Variants in LEPR observed in about 807,000 individuals in gnomAD.
The protein encoded by LEPR is leptin receptor.
LEPR carries 56 observed loss-of-function variants against 114.7 expected under a neutral mutation model. The observed-to-expected ratio is 0.49, with a 90% CI of 0.39 to 0.61. The LOEUF (loss-of-function observed/expected upper bound fraction) is 0.61, where lower values mean the gene tolerates loss of function less well. Among genes scored for constraint, LEPR ranks in the 20% least tolerant of loss-of-function variants. The probability of loss-of-function intolerance (pLI) is 0.00; values close to 1 mark genes in which losing one functional copy is unlikely to be tolerated. For missense variants in LEPR, 1,202 were observed against 1,352.9 expected (o/e 0.89, Z 1.75); for synonymous variants, 443 against 461.4 (o/e 0.96, Z 0.51).
intron 8 of LEPR, among the ~76,000 whole-genome samples, chr1:65,599,146 A>G (rs1026765976): frequency 2.0e-5 from 3 of 152,184 alleles, no homozygotes; most frequent in Admixed American, 6.5e-5. Context: ...CATAAAATTC[A>G]AATATTAACA....
At chr1:65,568,496 G>A (rs967202581) in intron 3 of LEPR, among the ~76,000 whole-genome samples, 1 of 96,254 alleles carries the variant, frequency 1.0e-5, no homozygotes, top group African/African-American at 3.5e-5. Context: ...ATTCCATGGT[G>A]TGTGAGTGTG....
intron 10 of LEPR, among the ~76,000 whole-genome samples, chr1:65,603,731 G>A (rs954732935): frequency 2.7e-5 from 4 of 146,130 alleles, no homozygotes; most frequent in Middle Eastern, 3.5e-3. Context: ...ATCAGCTATC[G>A]TTAGTATATT....
At chr1:65,488,226 C>CTCTCTCTCTT (rs1553157734) in intron 2 of LEPR, among the ~76,000 whole-genome samples, 46 of 67,948 alleles carry the variant, frequency 6.8e-4, no homozygotes, top group South Asian at 4.0e-3. Flanking sequence ...CTCTCTCTCT[C>CTCTCTCTCTT]TCTTTCTTTC....
At chr1:65,524,893 A>C (rs1173664238) in intron 2 of LEPR, among the ~76,000 whole-genome samples, 4 of 152,224 alleles carry the variant, frequency 2.6e-5, no homozygotes, top group Non-Finnish European at 5.9e-5. Flanking sequence ...CATTTAATAC[A>C]TAGACAAATA....
rs779112533 is a variant in LEPR, at chr1:65,425,346, TC to T, written c.-52del. 8 of 1,607,082 alleles carry T rather than the reference TC, an allele frequency of 5.0e-6. No individual in the cohort carries two copies. The highest frequency in any genetic ancestry group is 1.7e-5 in the Admixed American group (1 of 57,422). ...TCAGTGGGGCTATTGGACTGACTTT[TC>T]TTATGCTGGGATGTGCCTTAGAGGA... On this transcript the variant is annotated 5_prime_UTR_variant, in exon 2 of 20. It introduces an in-frame stop codon into an upstream open reading frame of the 5' UTR. Coordinates refer to ENST00000349533, the MANE Select transcript of LEPR (RefSeq NM_002303.6).
intron 2 of LEPR, among the ~76,000 whole-genome samples, chr1:65,552,588 G>T (rs935427444): frequency 3.3e-5 from 5 of 151,532 alleles, no homozygotes; most frequent in Admixed American, 2.0e-4. Context: ...CCTTTATTTT[G>T]AGCCTATGTG....
rs760283722 is a variant in LEPR, at chr1:65,570,552, A to G, written c.120A>G (p.Pro40=). 3.1e-6 allele frequency: 5 copies of G among 1,613,916 alleles called. No homozygotes were observed. The East Asian group carries it at 1.1e-4, about 36-fold the overall frequency. The change falls in exon 4 of 20, where the codon CCA becomes CCG. Residue 40 remains proline (P), a synonymous_variant. Coordinates refer to ENST00000349533, the MANE Select transcript of LEPR (RefSeq NM_002303.6). Reference sequence around the variant, plus strand: ...GATTTAAGTTGTCTTGCATGCCACCAAATTCAACCTATGACTACTTCCTTT... The same window carrying G: ...GATTTAAGTTGTCTTGCATGCCACCGAATTCAACCTATGACTACTTCCTTT... The part of the protein sequence containing the change: ...PWRFKLSCMP[P]NSTYDYFLLP...
intron 5 of LEPR, among the ~76,000 whole-genome samples, chr1:65,592,397 A>G (rs1373855574): frequency 1.3e-5 from 2 of 151,340 alleles, no homozygotes; most frequent in African/African-American, 4.8e-5. Context: ...CGCTGGGTAT[A>G]GGATTTTAGA....
intron 4 of LEPR, 85 bp downstream of exon 4, chr1:65,570,887 G>T: frequency 8.8e-7 from 1 of 1,136,094 alleles, no homozygotes; most frequent in Non-Finnish European, 1.2e-6. Flanking sequence ...TTATGGCTAT[G>T]ATTTTAACAT....
intron 2 of LEPR, among the ~76,000 whole-genome samples, chr1:65,446,161 T>A (rs1646711282): frequency 6.6e-6 from 1 of 152,224 alleles, no homozygotes; most frequent in African/African-American, 2.4e-5. Context: ...AGTCTGTTTT[T>A]AACTTTGTAC....
intron 15 of LEPR, among the ~76,000 whole-genome samples, chr1:65,616,932 A>G (rs1218854592): frequency 2.6e-5 from 4 of 152,246 alleles, no homozygotes; most frequent in Middle Eastern, 3.4e-3. Context: ...AATATGCCCT[A>G]TCTCTTCTTT....
At chr1:65,615,764 A>G (rs1362205347) in intron 14 of LEPR, among the ~76,000 whole-genome samples, 1 of 152,192 alleles carries the variant, frequency 6.6e-6, no homozygotes. Context: ...GCCTTAAGAA[A>G]AAAACCTCAA....
intron 1 of LEPR, among the ~76,000 whole-genome samples, chr1:65,425,030 G>A (rs544465489): frequency 1.3e-5 from 2 of 152,204 alleles, no homozygotes; most frequent in South Asian, 4.1e-4. Flanking sequence ...TTGAATTTGG[G>A]ACCTTTTTTT....
In LEPR at chr1:65,570,746, A is replaced by C; in HGVS notation, c.314A>C (p.Asn105Thr). Reference sequence around the variant, plus strand: ...AGAAACTGCTCCTTATGTGCAGACAACATTGAAGGAAAGACATTTGTTTCA... The same window carrying C: ...AGAAACTGCTCCTTATGTGCAGACACCATTGAAGGAAAGACATTTGTTTCA... ...QDRNCSLCAD[N>T]IEGKTFVSTV... The change falls in exon 4 of 20, where the codon AAC becomes ACC. Residue 105 changes from asparagine to threonine, a missense_variant. Physicochemically the swap from Asn to Thr is moderately conservative, Grantham distance 65. Transcript: ENST00000349533. 6.3e-7 allele frequency: 1 copy of C among 1,590,878 alleles called. No individual in the cohort carries two copies. The highest frequency in any genetic ancestry group is 8.6e-7 in the Non-Finnish European group (1 of 1,166,878).
chr1:65,505,465 G>A (rs886828637), intron 2 of LEPR, among the ~76,000 whole-genome samples: 1 of 152,100 alleles, frequency 6.6e-6, no homozygotes, highest in Non-Finnish European at 1.5e-5. Context: ...TTTTGACCTT[G>A]TTTGTACTCC....
At chr1:65,514,564 A>G (rs185163377) in intron 2 of LEPR, among the ~76,000 whole-genome samples, 1 of 152,382 alleles carries the variant, frequency 6.6e-6, no homozygotes, top group East Asian at 1.9e-4. Context: ...TGCCTTTGAT[A>G]ACATTTTGGT....
intron 14 of LEPR, among the ~76,000 whole-genome samples, chr1:65,610,663 T>A (rs999648862): frequency 2.6e-5 from 4 of 152,222 alleles, no homozygotes; most frequent in Non-Finnish European, 5.9e-5. Context: ...ACAATGTAAA[T>A]GTCACCTTCC....
At position 65,432,185 on chromosome 1, in the gene LEPR, C is replaced by T. The variant is rs550053880; in HGVS notation, c.-21+6807C>T. 1.9e-5 allele frequency: 21 copies of T among 1,116,026 alleles called. No homozygotes were observed. The East Asian group carries it at 2.6e-4, about 14-fold the overall frequency. The allele number at this position is 1,116,026 out of a possible 1,614,324, so 69.1% of individuals were successfully genotyped here. A position where few individuals can be genotyped will look rare whatever the true frequency, so the allele number is the denominator to read the frequency against. ...ACGGTGCTCTCAGAAAATATATTAA[C>T]GCAGTCTTGTAGGCAGCTGCCACCT... On this transcript the variant is annotated intron_variant, in intron 2 of 19. Transcript: ENST00000349533.
chr1:65,635,279 G>A, intron 19 of LEPR: 2 of 981,336 alleles, frequency 2.0e-6, no homozygotes, highest in Admixed American at 6.2e-5. Flanking sequence ...TCAAGGTGAT[G>A]TATCAACAGC....
Sources: gnomAD v4.1 joint callset for allele counts (sites outside exome capture counted in the v4.1 genomes callset) on GRCh38, gnomAD v4.1.1 for gene constraint, MANE v1.5 for transcripts, NCBI Gene and HGNC (gene_info 2026-07-23, HGNC 2026-07-21) for gene names.